Variants in FHIP1A observed in about 807,000 individuals in gnomAD.
FHIP1A encodes FHF complex subunit HOOK-interacting protein 1A.
FHIP1A carries 61 observed loss-of-function variants against 88.6 expected under a neutral mutation model. The observed-to-expected ratio is 0.69, with a 90% CI of 0.56 to 0.85. The LOEUF is 0.85. Ranked by LOEUF, FHIP1A falls within the 40% of genes least tolerant of loss-of-function variation. FHIP1A has a pLI of 0.00. For missense variants in FHIP1A, 1,154 were observed against 1,273.5 expected, an observed-to-expected ratio of 0.91 and a Z score of 1.43; for synonymous variants, 478 against 496.0, an observed-to-expected ratio of 0.96 and a Z score of 0.48.
At chr4:151,411,343 A>ATTTTTTTTTTT (rs370374898) in intron 1 of FHIP1A, among the ~76,000 whole-genome samples, 12 of 112,132 alleles carry the variant, frequency 1.1e-4, no homozygotes, top group African/African-American at 2.6e-4. Context: ...GTGAAATTAT[A>ATTTTTTTTTTT]TATATATTTT....
chr4:151,412,547 CT>C, intron 1 of FHIP1A, among the ~76,000 whole-genome samples: 1 of 149,672 alleles, frequency 6.7e-6, no homozygotes, highest in African/African-American at 2.5e-5. Flanking sequence ...GTGAAATGGG[CT>C]TTTCTTTTTC....
chr4:151,530,177 G>A (rs1418675817), intron 3 of FHIP1A, among the ~76,000 whole-genome samples: 1 of 152,152 alleles, frequency 6.6e-6, no homozygotes, highest in Non-Finnish European at 1.5e-5. Flanking sequence ...CAATTGAGAA[G>A]TCTCCTCCTG....
At chr4:151,499,714 G>A (rs529927930) in intron 3 of FHIP1A, among the ~76,000 whole-genome samples, 23 of 152,130 alleles carry the variant, frequency 1.5e-4, no homozygotes, top group Non-Finnish European at 2.9e-4. Context: ...ACTTACAATC[G>A]TCGTGGAAGG....
At chr4:151,525,758 T>C (rs537558428) in intron 3 of FHIP1A, among the ~76,000 whole-genome samples, 2 of 152,282 alleles carry the variant, frequency 1.3e-5, no homozygotes, top group East Asian at 3.9e-4. Flanking sequence ...TTTTTTTTTT[T>C]TTTCATTTTT....
intron 1 of FHIP1A, among the ~76,000 whole-genome samples, chr4:151,427,895 A>G (rs1733447131): frequency 6.6e-6 from 1 of 152,190 alleles, no homozygotes; most frequent in Admixed American, 6.5e-5. Context: ...CCAGTTGCTT[A>G]CTAAATGGTT....
At chr4:151,472,646 AC>A (rs1729565247) in intron 2 of FHIP1A, among the ~76,000 whole-genome samples, 1 of 146,752 alleles carries the variant, frequency 6.8e-6, no homozygotes, top group African/African-American at 2.5e-5. Context: ...TTTTGTAGCA[AC>A]TACTTCATTG....
chr4:151,614,429 A>G (rs957614862), intron 7 of FHIP1A, among the ~76,000 whole-genome samples: 1 of 151,118 alleles, frequency 6.6e-6, no homozygotes, highest in Non-Finnish European at 1.5e-5. Flanking sequence ...TGATCACGCC[A>G]CTGTACTCCA....
At chr4:151,526,099 CA>C (rs1400311176) in intron 3 of FHIP1A, among the ~76,000 whole-genome samples, 1 of 152,194 alleles carries the variant, frequency 6.6e-6, no homozygotes, top group Non-Finnish European at 1.5e-5. Context: ...AACAGGATCC[CA>C]AGGCAGAAGA....
intron 3 of FHIP1A, among the ~76,000 whole-genome samples, chr4:151,486,175 T>G (rs1730075455): frequency 6.6e-6 from 1 of 152,158 alleles, no homozygotes; most frequent in African/African-American, 2.4e-5. Flanking sequence ...CACCCACTGC[T>G]TACCTCCTGC....
rs937316693 is a variant in FHIP1A at position 151,434,851 on chromosome 4, C to T, written c.-355-19850C>T. 1.1e-4 allele frequency among the ~76,000 whole-genome samples: 17 copies of T among 152,208 alleles called. No homozygotes were observed. The East Asian group carries it at 3.3e-3, about 29-fold the overall frequency. ...TTAGGTAAAAAGAATTGACCTCCTACTGCCAATCATTCCTTGATTCTGTTG... is the reference window on the plus strand; with the variant it reads ...TTAGGTAAAAAGAATTGACCTCCTATTGCCAATCATTCCTTGATTCTGTTG... On this transcript the variant is annotated intron_variant, in intron 1 of 13. Coordinates refer to ENST00000435205, the MANE Select transcript of FHIP1A (RefSeq NM_001109977.3).
chr4:151,633,462 GGCCAGTGTT>G (rs1173665861), intron 8 of FHIP1A, among the ~76,000 whole-genome samples: 4 of 151,870 alleles, frequency 2.6e-5, no homozygotes, highest in Non-Finnish European at 5.9e-5. Context: ...AATTTTATGA[GGCCAGTGTT>G]GCCCTAATAC....
In FHIP1A at chr4:151,497,149, T is replaced by C. The variant is rs184632573; in HGVS notation, c.-123+14501T>C. On this transcript the variant is annotated intron_variant, in intron 3 of 13. Transcript: ENST00000435205. ...TTTGAGAATGAGCAAATCTTTCTAA[T>C]GTAAAAACATACTTCAGAATGCTAC... 9.2e-5 allele frequency among the ~76,000 whole-genome samples: 14 copies of C among 152,320 alleles called. No homozygotes were observed. The East Asian group carries it at 1.9e-3, about 21-fold the overall frequency.
In FHIP1A at chr4:151,524,931, T is replaced by C. The variant is rs145671963; in HGVS notation, c.-122-41207T>C. On this transcript the variant is annotated intron_variant, in intron 3 of 13. Coordinates refer to ENST00000435205, the MANE Select transcript of FHIP1A (RefSeq NM_001109977.3). ...TACTATAATAAATACATGACAGAAA[T>C]AGGAATCAAATTCTCAAATGGTGCG... Among the ~76,000 whole-genome samples, 1,396 of 152,280 alleles carry C rather than the reference T, an allele frequency of 9.2e-3. 17 individuals carry two copies. Among genetic ancestry groups the C allele is most frequent in the African/African-American group, 0.031 (1,304 of 41,556 alleles).
At chr4:151,629,935 G>T in intron 8 of FHIP1A, 66 bp downstream of exon 8, 2 of 1,291,422 alleles carry the variant, frequency 1.5e-6, no homozygotes, top group South Asian at 1.5e-5. Context: ...TTTTTTTTTG[G>T]GAATGAAATT....
intron 3 of FHIP1A, among the ~76,000 whole-genome samples, chr4:151,535,628 C>G (rs899570871): frequency 6.6e-6 from 1 of 152,130 alleles, no homozygotes; most frequent in Non-Finnish European, 1.5e-5. Flanking sequence ...TCTTTCTCAC[C>G]TATTTACTTA....
At chr4:151,477,408 G>A (rs888465318) in intron 2 of FHIP1A, among the ~76,000 whole-genome samples, 13 of 152,122 alleles carry the variant, frequency 8.5e-5, no homozygotes, top group African/African-American at 2.9e-4. Context: ...AAACTAGATT[G>A]TAGAATAACA....
chr4:151,483,474 C>T (rs993678172), intron 3 of FHIP1A, among the ~76,000 whole-genome samples: 2 of 152,118 alleles, frequency 1.3e-5, no homozygotes, highest in African/African-American at 4.8e-5. Flanking sequence ...TGAATGTCAA[C>T]AGAGATTGAC....
At chr4:151,437,802 C>T (rs2126552934) in intron 1 of FHIP1A, among the ~76,000 whole-genome samples, 1 of 152,260 alleles carries the variant, frequency 6.6e-6, no homozygotes, top group South Asian at 2.1e-4. Context: ...AGATGAACCT[C>T]ATTAACTAAA....
intron 3 of FHIP1A, among the ~76,000 whole-genome samples, chr4:151,488,774 T>G (rs1008974605): frequency 6.6e-6 from 1 of 152,270 alleles, no homozygotes; most frequent in Non-Finnish European, 1.5e-5. Flanking sequence ...GCATCTTATT[T>G]ATTTCTGTGC....
Sources: allele counts gnomAD v4.1 joint callset (sites outside exome capture counted in the v4.1 genomes callset), GRCh38; gene constraint gnomAD v4.1.1; transcripts MANE v1.5; gene names NCBI Gene and HGNC (gene_info 2026-07-23, HGNC 2026-07-21).